SNX1: variants seen among roughly 807,000 people sequenced by gnomAD.
The protein encoded by SNX1 is sorting nexin-1.
Under a neutral mutation model 71.8 loss-of-function variants are expected in SNX1, and 36 were observed. The observed-to-expected ratio is 0.50, with a 90% CI of 0.38 to 0.66. SNX1 has a LOEUF of 0.66. Ranked by LOEUF, SNX1 falls within the 30% of genes least tolerant of loss-of-function variation. The pLI, the probability that SNX1 is intolerant of heterozygous loss-of-function variation, is 0.00. For missense variants in SNX1, 612 were observed against 646.7 expected (o/e 0.95, Z 0.58); for synonymous variants, 254 against 240.7 (o/e 1.06, Z -0.51).
At chr15:64,106,327 A>G (rs186585138) in intron 1 of SNX1, among the ~76,000 whole-genome samples, 1 of 152,312 alleles carries the variant, frequency 6.6e-6, no homozygotes, top group East Asian at 1.9e-4. Flanking sequence ...TTAACTCCTT[A>G]AGCTATGGAG....
chr15:64,127,408 G>T (rs887602322), intron 7 of SNX1, among the ~76,000 whole-genome samples, 156 bp downstream of exon 7: 4 of 152,104 alleles, frequency 2.6e-5, no homozygotes, highest in Non-Finnish European at 4.4e-5. Flanking sequence ...TTCCTGAGTC[G>T]CTTATTTTCC....
intron 6 of SNX1, 88 bp from the exon 7 acceptor site, chr15:64,127,086 C>T: frequency 1.0e-6 from 1 of 1,003,612 alleles, no homozygotes; most frequent in Non-Finnish European, 1.5e-6. Context: ...GCCTCACTGC[C>T]TTTCCTCCTG....
chr15:64,126,248 G>A lies in SNX1; in HGVS notation c.652+28G>A, dbSNP rs73448942. 7.5e-4 allele frequency: 1,211 copies of A among 1,604,476 alleles called. 12 individuals are homozygous for A. The African/African-American group carries it at 0.014, about 19-fold the overall frequency. ...AAGCCTGTGGTCTTTCATTCCACTT[G>A]GATTGTTTTCCTTTGCATTCTCTCC... On this transcript the variant is annotated intron_variant, in intron 6 of 14. Coordinates refer to ENST00000559844, the MANE Select transcript of SNX1 (RefSeq NM_003099.5).
At position 64,137,615 on chromosome 15, in the gene SNX1, C is replaced by G; in HGVS notation, c.1566C>G (p.Ser522=). Residue 522 remains serine, a synonymous_variant, in exon 15 of 15, where the codon TCC becomes TCG. Transcript: ENST00000559844. ...TCCTTCCTGAGGCAAAGGCCATCTC[C>G]TAATGGACCAAGGACCCCAGAGCCC... is the stretch of plus-strand genomic sequence containing the variant. The part of the protein sequence containing the change: ...EAFLPEAKAI[S] 6.2e-7 allele frequency: 1 copy of G among 1,614,218 alleles called. No homozygotes were observed. Among genetic ancestry groups the G allele is most frequent in the African/African-American group, 1.3e-5 (1 of 75,066 alleles).
rs1378223889 is a variant in SNX1, at chr15:64,137,968, C to T, written c.*350C>T. 89 of 1,437,974 alleles carry T rather than the reference C, an allele frequency of 6.2e-5. No homozygotes were observed. The highest frequency in any genetic ancestry group is 7.8e-5 in the Non-Finnish European group (86 of 1,103,444). 89.1% of individuals were successfully genotyped at this position (1,437,974 alleles called of 1,614,324 possible). A position where few individuals can be genotyped will look rare whatever the true frequency, so the allele number is the denominator to read the frequency against. ...ACGTTTTCTGTTACTCCTGATGGTGCCATGAAAAGGTTATGTAATAAAATA... is the reference window on the plus strand; with the variant it reads ...ACGTTTTCTGTTACTCCTGATGGTGTCATGAAAAGGTTATGTAATAAAATA... On this transcript the variant is annotated 3_prime_UTR_variant, in exon 15 of 15. Transcript: ENST00000559844.
chr15:64,125,022 T>C (rs2140151606), intron 5 of SNX1, among the ~76,000 whole-genome samples: 1 of 152,326 alleles, frequency 6.6e-6, no homozygotes, highest in Middle Eastern at 3.4e-3. Flanking sequence ...CTGTGAGCTC[T>C]AGATTATGAT....
rs546214799 is a variant in SNX1, at chr15:64,118,301, C to T, written c.399+57C>T. ...TTAGATATTGAGGACTGTGTACGGCCAGTCTGAAGTGTAGTTGAGTATGAA... is the reference window on the plus strand; with the variant it reads ...TTAGATATTGAGGACTGTGTACGGCTAGTCTGAAGTGTAGTTGAGTATGAA... On this transcript the variant is annotated intron_variant, in intron 3 of 14. Transcript: ENST00000559844. The T allele has an allele frequency of 4.4e-5, 67 of 1,538,802 alleles. 1 individual carries two copies. The South Asian group carries it at 7.6e-4, about 17-fold the overall frequency.
At chr15:64,132,170 C>G (rs1249850661) in intron 11 of SNX1, among the ~76,000 whole-genome samples, 1 of 152,188 alleles carries the variant, frequency 6.6e-6, no homozygotes, top group African/African-American at 2.4e-5. Context: ...ATTGTTGAGG[C>G]CAGACAGTGT....
intron 1 of SNX1, among the ~76,000 whole-genome samples, chr15:64,101,082 G>A (rs1389393460): frequency 6.6e-6 from 1 of 152,160 alleles, no homozygotes; most frequent in Non-Finnish European, 1.5e-5. Flanking sequence ...AATTATATGC[G>A]TGAGTCACCA....
rs1049313651 is a variant in SNX1 at position 64,101,144 on chromosome 15, A to C, written c.159+4972A>C. Among the ~76,000 whole-genome samples, 3 of 152,198 alleles carry C rather than the reference A, an allele frequency of 2.0e-5. No homozygotes were observed. In the East Asian group the frequency reaches 5.8e-4, roughly 29 times the overall value. The stretch of plus-strand genomic sequence containing the variant: ...AAAAAACTGGGGTAAAATTCACATG[A>C]CAAAATTTGCCATCTTAATCATTTT... On this transcript the variant is annotated intron_variant, in intron 1 of 14. Transcript: ENST00000559844.
At chr15:64,102,761 CTTTTTTTT>C (rs60616312) in intron 1 of SNX1, among the ~76,000 whole-genome samples, 2 of 76,408 alleles carry the variant, frequency 2.6e-5, no homozygotes, top group East Asian at 4.3e-4. Flanking sequence ...ACCACGCCTT[CTTTTTTTT>C]TTTTTTTTTT....
At position 64,142,476 on chromosome 15, in the gene SNX1, G is replaced by A. The variant is rs537275159; in HGVS notation, c.*4858G>A. 2 of 340,308 alleles carry A rather than the reference G, an allele frequency of 5.9e-6. No individual in the cohort carries two copies. Among genetic ancestry groups the A allele is most frequent in the Middle Eastern group, 1.2e-3 (2 of 1,680 alleles). 21.1% of individuals were successfully genotyped at this position (340,308 alleles called of 1,614,324 possible). ...GAAGAGAAAGAGAATGACTATCAGA[G>A]CCATGTTTGGAAGAAAATGGGGTCC... On this transcript the variant is annotated 3_prime_UTR_variant, in exon 15 of 15. Transcript: ENST00000559844.
At chr15:64,098,451 T>C (rs893558622) in intron 1 of SNX1, among the ~76,000 whole-genome samples, 2 of 152,256 alleles carry the variant, frequency 1.3e-5, no homozygotes, top group East Asian at 1.9e-4. Flanking sequence ...CTCAGCACTT[T>C]GGGAGGCCAA....
intron 4 of SNX1, among the ~76,000 whole-genome samples, chr15:64,122,268 C>CT (rs67624010): frequency 5.7e-4 from 82 of 143,576 alleles, no homozygotes; most frequent in Admixed American, 7.6e-4. Context: ...ACTTAGATTT[C>CT]TTTTTTTTTT....
At chr15:64,099,140 T>A (rs996121496) in intron 1 of SNX1, among the ~76,000 whole-genome samples, 22 of 152,228 alleles carry the variant, frequency 1.4e-4, no homozygotes, top group African/African-American at 4.8e-4. Flanking sequence ...AAGAATTAAG[T>A]AATTAAGAGT....
intron 1 of SNX1, among the ~76,000 whole-genome samples, chr15:64,099,330 C>G (rs565164384): frequency 1.1e-4 from 17 of 152,264 alleles, no homozygotes; most frequent in Non-Finnish European, 2.2e-4. Context: ...AGAAGATGTT[C>G]CCTCCATAAT....
chr15:64,107,994 C>T (rs931091100), intron 1 of SNX1, among the ~76,000 whole-genome samples: 4 of 151,966 alleles, frequency 2.6e-5, no homozygotes, highest in East Asian at 1.9e-4. Context: ...GAGATCAAGA[C>T]CATCCTGGCT....
At chr15:64,136,264 C>G (rs2081358409) in intron 12 of SNX1, 66 bp from the exon 13 acceptor site, 2 of 1,312,502 alleles carry the variant, frequency 1.5e-6, no homozygotes, top group South Asian at 2.4e-5. Flanking sequence ...AATCGCTGTC[C>G]AAATGTGAAG....
intron 12 of SNX1, among the ~76,000 whole-genome samples, chr15:64,135,280 G>C (rs2081347180): frequency 6.6e-6 from 1 of 151,286 alleles, no homozygotes; most frequent in Non-Finnish European, 1.5e-5. Context: ...ACCACACCTG[G>C]CTAATTTTTT....
Sources: allele counts gnomAD v4.1 joint callset (sites outside exome capture counted in the v4.1 genomes callset), GRCh38; gene constraint gnomAD v4.1.1; transcripts MANE v1.5; gene names NCBI Gene and HGNC (gene_info 2026-07-23, HGNC 2026-07-21).